Variants in RETREG1 observed in about 807,000 individuals in gnomAD.
RETREG1 encodes the protein reticulophagy regulator 1.
A neutral mutation model predicts 54.8 loss-of-function variants in RETREG1; 44 were observed. The ratio of observed to expected loss-of-function variants is 0.80; its 90% CI spans 0.63 to 1.03. The LOEUF is 1.03. RETREG1 is among the 50% of genes least tolerant of loss of function. The pLI is 0.00. For missense variants in RETREG1, 554 were observed against 605.1 expected, an observed-to-expected ratio of 0.92 and a Z score of 0.89; for synonymous variants, 217 against 238.5, an observed-to-expected ratio of 0.91 and a Z score of 0.83.
intron 1 of RETREG1, among the ~76,000 whole-genome samples, chr5:16,608,283 A>T (rs957835083): frequency 3.9e-5 from 6 of 152,080 alleles, no homozygotes; most frequent in African/African-American, 1.4e-4. Context: ...AGTGTTTCAG[A>T]TCTCATGTGG....
chr5:16,548,987 C>T (rs1741460703), intron 3 of RETREG1, among the ~76,000 whole-genome samples: 1 of 152,224 alleles, frequency 6.6e-6, no homozygotes, highest in African/African-American at 2.4e-5. Flanking sequence ...AGCAGTGTCA[C>T]TGACACAGTA....
chr5:16,483,079 G>A, intron 4 of RETREG1: 1 of 426,394 alleles, frequency 2.3e-6, no homozygotes, highest in Non-Finnish European at 4.3e-6. Context: ...TTGCTGATAA[G>A]ACCAATCACC....
intron 1 of RETREG1, among the ~76,000 whole-genome samples, chr5:16,614,967 G>A (rs1163958158): frequency 6.6e-6 from 1 of 152,188 alleles, no homozygotes; most frequent in Non-Finnish European, 1.5e-5. Flanking sequence ...AACATTGCTG[G>A]CCTCCGTGAG....
chr5:16,568,423 C>A (rs187084662), intron 2 of RETREG1, among the ~76,000 whole-genome samples: 3 of 152,216 alleles, frequency 2.0e-5, no homozygotes, highest in South Asian at 2.1e-4. Context: ...AGGTGCCCAC[C>A]ACCACGCCCG....
intron 3 of RETREG1, among the ~76,000 whole-genome samples, chr5:16,541,777 G>T (rs1741258492): frequency 6.8e-6 from 1 of 147,094 alleles, no homozygotes; most frequent in African/African-American, 2.6e-5. Flanking sequence ...AGGAAGGAAG[G>T]AAGGAAGGAA....
At chr5:16,553,911 C>A (rs1579678046) in intron 3 of RETREG1, among the ~76,000 whole-genome samples, 1 of 152,266 alleles carries the variant, frequency 6.6e-6, no homozygotes, top group East Asian at 1.9e-4. Flanking sequence ...TGAAAGAGAG[C>A]ACGATATTCT....
intron 3 of RETREG1, among the ~76,000 whole-genome samples, chr5:16,520,881 G>A (rs998416043): frequency 2.0e-5 from 3 of 152,122 alleles, no homozygotes; most frequent in Non-Finnish European, 2.9e-5. Flanking sequence ...AGGTGGCAGG[G>A]AATTCAGAGG....
intron 3 of RETREG1, among the ~76,000 whole-genome samples, chr5:16,484,670 A>C (rs1738947955): frequency 2.0e-5 from 3 of 152,206 alleles, no homozygotes; most frequent in Non-Finnish European, 2.9e-5. Flanking sequence ...ATAGTAAGGC[A>C]ATTTGTAAAT....
chr5:16,532,174 T>C (rs1429490698), intron 3 of RETREG1, among the ~76,000 whole-genome samples: 3 of 152,186 alleles, frequency 2.0e-5, no homozygotes, highest in African/African-American at 7.2e-5. Flanking sequence ...GATAAGGGTA[T>C]GATATGCAGT....
chr5:16,480,498 T>C (rs2126515819), intron 5 of RETREG1, among the ~76,000 whole-genome samples: 1 of 152,240 alleles, frequency 6.6e-6, no homozygotes, highest in South Asian at 2.1e-4. Flanking sequence ...AGCTTTGTCA[T>C]GTAGTAGTTT....
At chr5:16,574,249 A>G (rs773594398) in intron 1 of RETREG1, among the ~76,000 whole-genome samples, 45 of 152,300 alleles carry the variant, frequency 3.0e-4, no homozygotes, top group African/African-American at 1.0e-3. Context: ...AGAGACTGGC[A>G]GAGAGACAAG....
intron 3 of RETREG1, among the ~76,000 whole-genome samples, chr5:16,553,167 A>G (rs563386978): frequency 6.6e-6 from 1 of 151,122 alleles, no homozygotes; most frequent in South Asian, 2.1e-4. Context: ...TCAGAAACAG[A>G]AACAGTGCAC....
intron 3 of RETREG1, chr5:16,509,354 A>C (rs1189928687): frequency 6.6e-6 from 1 of 152,256 alleles, no homozygotes; most frequent in African/African-American, 2.4e-5. Flanking sequence ...GGAAGCATGC[A>C]CACGAATGTT....
At chr5:16,479,951 T>G (rs1048938722) in intron 5 of RETREG1, among the ~76,000 whole-genome samples, 1 of 152,190 alleles carries the variant, frequency 6.6e-6, no homozygotes, top group Admixed American at 6.6e-5. Flanking sequence ...AAATCCATAC[T>G]TTTTAATAAC....
intron 1 of RETREG1, among the ~76,000 whole-genome samples, chr5:16,611,189 G>C (rs1162475374): frequency 6.6e-6 from 1 of 152,132 alleles, no homozygotes. Flanking sequence ...TCACTTATAG[G>C]TGGAAACTGA....
intron 3 of RETREG1, among the ~76,000 whole-genome samples, chr5:16,546,423 C>T (rs1741390168): frequency 6.6e-6 from 1 of 152,222 alleles, no homozygotes; most frequent in Admixed American, 6.5e-5. Flanking sequence ...CTGCCTTGGC[C>T]TCCCAAAGTG....
chr5:16,568,065 CAGG>C (rs1354090792), intron 2 of RETREG1, among the ~76,000 whole-genome samples: 2 of 151,994 alleles, frequency 1.3e-5, no homozygotes, highest in East Asian at 3.9e-4. Context: ...TTTCAGGATG[CAGG>C]AGGAGTTTTC....
Position 16,536,775 on chromosome 5 carries a change from C to T in RETREG1, c.458+28988G>A, listed in dbSNP as rs182483797. 4.4e-3 allele frequency among the ~76,000 whole-genome samples: 670 copies of T among 152,288 alleles called. 4 individuals carry two copies. Among genetic ancestry groups the T allele is most frequent in the African/African-American group, 0.015 (643 of 41,564 alleles). The stretch of plus-strand genomic sequence containing the variant: ...AAGGTGTCAATGGCGCCAAAGTCAA[C>T]GGATGCCTGAGATCTCAGACTCTTG... On this transcript the variant is annotated intron_variant, in intron 3 of 8. Coordinates refer to ENST00000306320, the MANE Select transcript of RETREG1 (RefSeq NM_001034850.3).
chr5:16,496,092 C>G (rs186739619), intron 3 of RETREG1, among the ~76,000 whole-genome samples: 5 of 151,988 alleles, frequency 3.3e-5, no homozygotes, highest in Admixed American at 3.3e-4. Flanking sequence ...TTCTGCTCAT[C>G]CCCCCAAACC....
Sources: allele counts gnomAD v4.1 joint callset (sites outside exome capture counted in the v4.1 genomes callset), GRCh38; gene constraint gnomAD v4.1.1; transcripts MANE v1.5; gene names NCBI Gene and HGNC (gene_info 2026-07-23, HGNC 2026-07-21).